The following MAPKBP1 variants were observed in gnomAD, a reference collection of about 807,000 sequenced individuals.
MAPKBP1 encodes mitogen-activated protein kinase-binding protein 1.
Under a neutral mutation model 170.5 loss-of-function variants are expected in MAPKBP1, and 71 were observed. That is an observed-to-expected ratio of 0.42 (90% CI 0.34 to 0.51). The LOEUF is 0.51. Ranked by LOEUF, MAPKBP1 falls within the 20% of genes least tolerant of loss-of-function variation. The pLI is 0.06. For synonymous variants in MAPKBP1, 719 were observed against 757.9 expected, an observed-to-expected ratio of 0.95 and a Z score of 0.84; for missense variants, 1,598 against 1,933.0, an observed-to-expected ratio of 0.83 and a Z score of 3.25.
At chr15:41,815,168 C>G in intron 10 of MAPKBP1, 91 bp from the exon 11 acceptor site, 1 of 1,494,456 alleles carries the variant, frequency 6.7e-7, no homozygotes, top group Non-Finnish European at 9.2e-7. Flanking sequence ...GGCCACCATT[C>G]CCTTTTTCGT....
intron 12 of MAPKBP1, chr15:41,816,291 G>A (rs1040517351): frequency 2.6e-5 from 12 of 468,174 alleles, no homozygotes; most frequent in African/African-American, 2.1e-4. Flanking sequence ...AGGAAAACTG[G>A]TGAAATTTGA....
At chr15:41,824,849 C>T (rs1018700121) in intron 30 of MAPKBP1, among the ~76,000 whole-genome samples, 12 of 152,174 alleles carry the variant, frequency 7.9e-5, no homozygotes, top group African/African-American at 1.2e-4. Context: ...CAGTTTATGT[C>T]GTTGTCCCAG....
intron 3 of MAPKBP1, among the ~76,000 whole-genome samples, chr15:41,810,474 T>G (rs1357431041): frequency 6.7e-6 from 1 of 148,740 alleles, no homozygotes; most frequent in African/African-American, 2.5e-5. Flanking sequence ...CCCAGCACTT[T>G]GGGAGGCAGA....
At chr15:41,798,060 C>T (rs567562325) in intron 2 of MAPKBP1, among the ~76,000 whole-genome samples, 111 of 151,720 alleles carry the variant, frequency 7.3e-4, no homozygotes, top group African/African-American at 2.5e-3. Context: ...ACCATCCTGG[C>T]TAACATGGTG....
At chr15:41,789,880 T>C (rs1175175527) in intron 2 of MAPKBP1, among the ~76,000 whole-genome samples, 3 of 152,212 alleles carry the variant, frequency 2.0e-5, no homozygotes, top group African/African-American at 7.2e-5. Context: ...CACAAAGGCA[T>C]AGTGACTTCC....
At position 41,807,419 on chromosome 15, in the gene MAPKBP1, C is replaced by T. The variant is rs1025020528; in HGVS notation, c.207-3464C>T. 7.9e-5 allele frequency among the ~76,000 whole-genome samples: 12 copies of T among 152,222 alleles called. 1 individual carries two copies. The highest frequency in any genetic ancestry group is 2.6e-4 in the Admixed American group (4 of 15,286). On this transcript the variant is annotated intron_variant, in intron 3 of 30. Transcript: ENST00000457542. ...TGAGAATTAAGGGAAAACTCATAAA[C>T]TTGCAAATAGATCCCAGTTTTTCTG...
rs1469051580 is a variant in MAPKBP1, at chr15:41,820,827, A to G, written c.2482-5A>G. 9.3e-6 allele frequency: 15 copies of G among 1,611,704 alleles called. No homozygotes were observed. Among genetic ancestry groups the G allele is most frequent in the Middle Eastern group, 1.7e-4 (1 of 6,056 alleles). ...ACTCCTCCCCCACCCCCTACCTCCC[A>G]CCAGGCACAGGAGTCCGTGGGGTTC... On this transcript the variant is annotated splice_region_variant and splice_polypyrimidine_tract_variant and intron_variant, in intron 22 of 30. Coordinates refer to ENST00000457542, the MANE Select transcript of MAPKBP1 (RefSeq NM_014994.3).
chr15:41,818,721 G>A lies in MAPKBP1; in HGVS notation c.2157-102G>A. 6 of 1,542,534 alleles carry A rather than the reference G, an allele frequency of 3.9e-6. No homozygotes were observed. Among genetic ancestry groups the A allele is most frequent in the Non-Finnish European group, 5.3e-6 (6 of 1,130,710 alleles). ...TTTTGGCTGTGCTTGACCTGAAGTG[G>A]AGGGTGGCTCTGGTCTCCTTGCCAT... On this transcript the variant is annotated intron_variant, in intron 19 of 30. Coordinates refer to ENST00000457542, the MANE Select transcript of MAPKBP1 (RefSeq NM_014994.3). This position sits in a 1 kb window ranked among gnomAD's most constrained non-coding sequence, Gnocchi z 5.2.
rs2064059695 is a variant in MAPKBP1, at chr15:41,774,494, T to C, written c.-226T>C. On this transcript the variant is annotated 5_prime_UTR_variant, in exon 1 of 31. Transcript: ENST00000457542. ...GGTAGTTCGCGTTTTGAGCCGATCG[T>C]GCCACCATAGCTCCTGCTGCTGCCT... 1.0e-5 allele frequency: 4 copies of C among 398,390 alleles called. No homozygotes were observed. Among genetic ancestry groups the C allele is most frequent in the Non-Finnish European group, 1.8e-5 (4 of 225,966 alleles). The allele number at this position is 398,390 out of a possible 1,614,324, so 24.7% of individuals were successfully genotyped here.
At position 41,814,787 on chromosome 15, in the gene MAPKBP1, T is replaced by C. The variant is rs781406514; in HGVS notation, c.1170+48T>C. ...TGGAGACTGGCCAGGTTGGCTGGGATACCATTTTGAGGACAGAAAATAGGG... is the reference window on the plus strand; with the variant it reads ...TGGAGACTGGCCAGGTTGGCTGGGACACCATTTTGAGGACAGAAAATAGGG... On this transcript the variant is annotated intron_variant, in intron 10 of 30. Transcript: ENST00000457542. 5 of 1,602,296 alleles carry C rather than the reference T, an allele frequency of 3.1e-6. No individual in the cohort carries two copies. In the South Asian group the frequency reaches 5.5e-5, roughly 18 times the overall value.
intron 2 of MAPKBP1, among the ~76,000 whole-genome samples, chr15:41,775,750 AATGTAG>A (rs2064087880): frequency 6.6e-6 from 1 of 152,196 alleles, no homozygotes; most frequent in African/African-American, 2.4e-5. Flanking sequence ...AGCTGTGACT[AATGTAG>A]CTGCAGGTGT....
At chr15:41,798,598 T>C (rs1163798601) in intron 2 of MAPKBP1, among the ~76,000 whole-genome samples, 1 of 152,086 alleles carries the variant, frequency 6.6e-6, no homozygotes, top group Non-Finnish European at 1.5e-5. Context: ...AGGAGTACTT[T>C]TAATTCTGCG....
intron 3 of MAPKBP1, among the ~76,000 whole-genome samples, chr15:41,808,978 A>G (rs1482148170): frequency 6.7e-6 from 1 of 150,336 alleles, no homozygotes; most frequent in Non-Finnish European, 1.5e-5. Context: ...AGGTGGGAGG[A>G]TTGCTTGAGC....
At chr15:41,786,776 AAATATATATAT>A (rs1433506463) in intron 2 of MAPKBP1, among the ~76,000 whole-genome samples, 1 of 103,074 alleles carries the variant, frequency 9.7e-6, no homozygotes, top group African/African-American at 3.9e-5. Flanking sequence ...AAAAAAAAAA[AAATATATATAT>A]ATATATATAT....
intron 2 of MAPKBP1, among the ~76,000 whole-genome samples, chr15:41,798,450 T>C (rs1043416531): frequency 6.6e-6 from 1 of 151,338 alleles, no homozygotes; most frequent in Non-Finnish European, 1.5e-5. Flanking sequence ...GCCTGGCTAA[T>C]TTTTGTATTT....
intron 2 of MAPKBP1, among the ~76,000 whole-genome samples, chr15:41,784,532 C>T (rs2064247347): frequency 1.3e-5 from 2 of 152,108 alleles, no homozygotes; most frequent in South Asian, 4.2e-4. Flanking sequence ...ACCTGTAATC[C>T]CAGCACTTTG....
At position 41,815,802 on chromosome 15, in the gene MAPKBP1, A is replaced by C. The variant is rs752207104; in HGVS notation, c.1493+3A>C. On this transcript the variant is annotated splice_donor_region_variant and intron_variant, in intron 12 of 30. Coordinates refer to ENST00000457542, the MANE Select transcript of MAPKBP1 (RefSeq NM_014994.3). ...GGGGACCGTATGGGCACACTTAGGT[A>C]ATGCCAGGCCCTGGGTGGGTACTGA... The C allele has an allele frequency of 6.2e-7, 1 of 1,610,736 alleles. No homozygotes were observed.
At chr15:41,789,714 G>A (rs1314086546) in intron 2 of MAPKBP1, among the ~76,000 whole-genome samples, 5 of 152,202 alleles carry the variant, frequency 3.3e-5, no homozygotes, top group Non-Finnish European at 7.4e-5. Flanking sequence ...ATCTCAGTGA[G>A]GAGAGGTCAG....
At chr15:41,800,947 C>T (rs1222907183) in intron 3 of MAPKBP1, among the ~76,000 whole-genome samples, 1 of 151,952 alleles carries the variant, frequency 6.6e-6, no homozygotes, top group Non-Finnish European at 1.5e-5. Context: ...ATTGCCTAGG[C>T]TAGTTTCGAA....
Sources: gnomAD v4.1 joint callset for allele counts (sites outside exome capture counted in the v4.1 genomes callset) on GRCh38, gnomAD v4.1.1 for gene constraint, Gnocchi (gnomAD v3.1) non-coding constraint, MANE v1.5 for transcripts, NCBI Gene and HGNC (gene_info 2026-07-23, HGNC 2026-07-21) for gene names.